ANK3: variants seen among roughly 807,000 people sequenced by gnomAD.
The protein encoded by ANK3 is ankyrin 3.
Under a neutral mutation model 370.9 loss-of-function variants are expected in ANK3, and 57 were observed. That is an observed-to-expected ratio of 0.15 (90% CI 0.12 to 0.19). The LOEUF (loss-of-function observed/expected upper bound fraction) is 0.19. Ranked by LOEUF, ANK3 falls within the 10% of genes least tolerant of loss-of-function variation. The pLI is 1.00. For synonymous variants in ANK3, 1,929 were observed against 1,946.3 expected (o/e 0.99, Z 0.23); for missense variants, 4,439 against 5,302.1 (o/e 0.84, Z 5.06).
At chr10:60,063,006 G>T in intron 40 of ANK3, 105 bp downstream of exon 40, 3 of 1,193,582 alleles carry the variant, frequency 2.5e-6, no homozygotes, top group East Asian at 2.6e-5. Flanking sequence ...GAGAAACTAA[G>T]TCAAGCAAAT....
At chr10:60,131,831 G>GT (rs1451692395) in intron 25 of ANK3, among the ~76,000 whole-genome samples, 2 of 152,146 alleles carry the variant, frequency 1.3e-5, no homozygotes, top group Non-Finnish European at 2.9e-5. Flanking sequence ...GGTGATGGTG[G>GT]TGGTGGTTCC....
At chr10:60,076,580 A>C in intron 36 of ANK3, 132 bp from the exon 37 acceptor site, 1 of 1,220,360 alleles carries the variant, frequency 8.2e-7, no homozygotes, top group Non-Finnish European at 1.1e-6. Context: ...TGTTTGCATG[A>C]TTTAGAATGG....
intron 2 of ANK3, among the ~76,000 whole-genome samples, chr10:60,527,370 T>C (rs1033884653): frequency 6.6e-6 from 1 of 152,124 alleles, no homozygotes; most frequent in African/African-American, 2.4e-5. Context: ...GAGAAGTCTT[T>C]TGTTTTTAGT....
At chr10:60,503,583 C>T (rs1014736861) in intron 2 of ANK3, among the ~76,000 whole-genome samples, 5 of 152,302 alleles carry the variant, frequency 3.3e-5, no homozygotes, top group Admixed American at 1.3e-4. Flanking sequence ...GTGCCTGGAA[C>T]CCAGGACTGA....
chr10:60,695,083 G>A (rs1266526602), intron 1 of ANK3, among the ~76,000 whole-genome samples: 2 of 149,458 alleles, frequency 1.3e-5, no homozygotes, highest in African/African-American at 2.5e-5. Flanking sequence ...ACAAAAAAAG[G>A]CAGGGGTTGC....
chr10:60,197,593 T>C (rs1468968540), intron 14 of ANK3, among the ~76,000 whole-genome samples: 1 of 152,202 alleles, frequency 6.6e-6, no homozygotes, highest in Non-Finnish European at 1.5e-5. Context: ...GAAATGAAAT[T>C]TGAGGTAGTC....
intron 1 of ANK3, among the ~76,000 whole-genome samples, chr10:60,621,197 A>G (rs1400134146): frequency 2.0e-5 from 3 of 152,330 alleles, no homozygotes; most frequent in East Asian, 3.9e-4. Flanking sequence ...GTGTTCGCTT[A>G]TACCTACAAA....
intron 23 of ANK3, among the ~76,000 whole-genome samples, chr10:60,149,924 G>C (rs1003855356): frequency 3.9e-5 from 6 of 152,194 alleles, no homozygotes; most frequent in African/African-American, 1.4e-4. Flanking sequence ...GGCCAGGCTG[G>C]TCTCAAACTC....
At chr10:60,196,115 A>G (rs776847387) in intron 16 of ANK3, 30 bp downstream of exon 16, 152 of 1,586,718 alleles carry the variant, frequency 9.6e-5, no homozygotes, top group Non-Finnish European at 1.3e-4. Flanking sequence ...CTTACCCATC[A>G]GTCTCCTTAG....
chr10:60,157,063 G>A (rs1336725421), intron 23 of ANK3, among the ~76,000 whole-genome samples: 2 of 140,984 alleles, frequency 1.4e-5, no homozygotes, highest in African/African-American at 5.2e-5. Flanking sequence ...TCGAGATAGA[G>A]TTTCACTCTT....
At chr10:60,630,502 T>C (rs907167028) in intron 1 of ANK3, among the ~76,000 whole-genome samples, 1 of 152,162 alleles carries the variant, frequency 6.6e-6, no homozygotes, top group Non-Finnish European at 1.5e-5. Context: ...ACAAAGGCAA[T>C]TAAGAAATGT....
At chr10:60,515,164 CA>C (rs2076188007) in intron 2 of ANK3, among the ~76,000 whole-genome samples, 3 of 152,070 alleles carry the variant, frequency 2.0e-5, no homozygotes, top group Admixed American at 1.3e-4. Flanking sequence ...TGGGGTGATG[CA>C]GGTACAGATA....
At chr10:60,435,716 T>C (rs2064138303) in intron 2 of ANK3, among the ~76,000 whole-genome samples, 1 of 152,220 alleles carries the variant, frequency 6.6e-6, no homozygotes, top group African/African-American at 2.4e-5. Context: ...TTTCTGTCTT[T>C]CAGGATTTGC....
Position 60,687,440 on chromosome 10 carries a change from CAA to C in ANK3, c.57+45821_57+45822del, listed in dbSNP as rs755171739. Among the ~76,000 whole-genome samples, 20 of 151,482 alleles carry C rather than the reference CAA, an allele frequency of 1.3e-4. No individual in the cohort carries two copies. The East Asian group carries it at 3.5e-3, about 26-fold the overall frequency. Reference sequence around the variant, plus strand: ...GACACACAGATGGTCAACAGGCACACAAAAAAAATGCTCGACATCACTAATCA... The same window carrying C: ...GACACACAGATGGTCAACAGGCACACAAAAAATGCTCGACATCACTAATCA... On this transcript the variant is annotated intron_variant, in intron 1 of 43. Transcript: ENST00000373827.
At chr10:60,311,167 C>G (rs188157857) in intron 1 of ANK3, among the ~76,000 whole-genome samples, 3 of 152,246 alleles carry the variant, frequency 2.0e-5, no homozygotes, top group Admixed American at 2.0e-4. Flanking sequence ...GCTTCTTTAT[C>G]CCCTAAACCA....
chr10:60,593,282 T>C (rs2077941711), intron 2 of ANK3, among the ~76,000 whole-genome samples: 1 of 152,216 alleles, frequency 6.6e-6, no homozygotes, highest in Non-Finnish European at 1.5e-5. Context: ...CCAACCCTTT[T>C]AAGACATTCT....
In ANK3 at chr10:60,094,608, T is replaced by G. The variant is rs562324701; in HGVS notation, c.3329-6250A>C. 2.0e-4 allele frequency among the ~76,000 whole-genome samples: 31 copies of G among 152,286 alleles called. No homozygotes were observed. In the South Asian group the frequency reaches 6.4e-3, roughly 32 times the overall value. ...ACAAAAATATACAAAAAGTATTACT[T>G]AAATATTCTTTTGTAAAGAAAGGCA... On this transcript the variant is annotated intron_variant, in intron 28 of 43. Coordinates refer to ENST00000280772, the MANE Select transcript of ANK3 (RefSeq NM_020987.5).
At chr10:60,490,319 A>G (rs1047036449) in intron 2 of ANK3, among the ~76,000 whole-genome samples, 8 of 152,208 alleles carry the variant, frequency 5.3e-5, no homozygotes, top group Admixed American at 5.2e-4. Context: ...AAACTCTGGG[A>G]TGAGGCCCAG....
chr10:60,410,569 T>C (rs1212166014), intron 2 of ANK3, among the ~76,000 whole-genome samples: 1 of 152,182 alleles, frequency 6.6e-6, no homozygotes, highest in Non-Finnish European at 1.5e-5. Context: ...TCAAACAATT[T>C]TCATGATCCT....
Sources: gnomAD v4.1 joint callset for allele counts (sites outside exome capture counted in the v4.1 genomes callset) on GRCh38, gnomAD v4.1.1 for gene constraint, MANE v1.5 for transcripts, NCBI Gene and HGNC (gene_info 2026-07-23, HGNC 2026-07-21) for gene names.